Variants in STXBP5L observed in about 807,000 individuals in gnomAD.
The protein encoded by STXBP5L is syntaxin binding protein 5L.
In STXBP5L, 65 loss-of-function variants were observed where a neutral mutation model predicts 144.5. That is an observed-to-expected ratio of 0.45 (90% CI 0.37 to 0.55). The LOEUF (loss-of-function observed/expected upper bound fraction) is 0.55. Among genes scored for constraint, STXBP5L ranks in the 20% least tolerant of loss-of-function variants. The pLI, the probability that STXBP5L is intolerant of heterozygous loss-of-function variation, is 0.00. For synonymous variants in STXBP5L, 505 were observed against 469.6 expected, an observed-to-expected ratio of 1.08 and a Z score of -0.97; for missense variants, 1,298 against 1,405.5, an observed-to-expected ratio of 0.92 and a Z score of 1.22.
At chr3:121,310,634 C>A (rs2043494539) in intron 19 of STXBP5L, among the ~76,000 whole-genome samples, 1 of 151,746 alleles carries the variant, frequency 6.6e-6, no homozygotes, top group Non-Finnish European at 1.5e-5. Context: ...AGAGGCCAGG[C>A]ATGGTGGCTT....
At chr3:121,312,446 C>CTTTTTTTTTTTTTTTTTTTTT (rs58989280) in intron 19 of STXBP5L, among the ~76,000 whole-genome samples, 4 of 12,752 alleles carry the variant, frequency 3.1e-4, no homozygotes, top group Admixed American at 4.0e-3. Context: ...GTATGTCAAT[C>CTTTTTTTTTTTTTTTTTTTTT]TTTTTTTTTT....
At chr3:121,367,547 C>T (rs2045895674) in intron 20 of STXBP5L, among the ~76,000 whole-genome samples, 1 of 146,320 alleles carries the variant, frequency 6.8e-6, no homozygotes, top group African/African-American at 2.5e-5. Context: ...TATGATGAGT[C>T]ACTTCTCTAT....
chr3:120,949,388 T>G (rs1196656270), intron 2 of STXBP5L, among the ~76,000 whole-genome samples: 1 of 152,158 alleles, frequency 6.6e-6, no homozygotes, highest in Non-Finnish European at 1.5e-5. Flanking sequence ...TGCTGATTAT[T>G]TCTTTTGCTG....
At chr3:121,292,833 T>C (rs2051494476) in intron 19 of STXBP5L, among the ~76,000 whole-genome samples, 1 of 152,138 alleles carries the variant, frequency 6.6e-6, no homozygotes, top group South Asian at 2.1e-4. Flanking sequence ...AGCTAAGTTA[T>C]GAGGCTGCAA....
At chr3:121,016,447 A>G (rs1476718536) in intron 3 of STXBP5L, among the ~76,000 whole-genome samples, 1 of 152,210 alleles carries the variant, frequency 6.6e-6, no homozygotes, top group Admixed American at 6.5e-5. Flanking sequence ...GAAATCAAAA[A>G]CACTGTACAG....
At chr3:121,338,437 A>T (rs1165714948) in intron 20 of STXBP5L, among the ~76,000 whole-genome samples, 2 of 151,938 alleles carry the variant, frequency 1.3e-5, no homozygotes, top group African/African-American at 2.4e-5. Context: ...TGAGGTCAAG[A>T]GTTTGAGACC....
intron 3 of STXBP5L, among the ~76,000 whole-genome samples, chr3:121,013,745 G>T (rs1217367745): frequency 1.3e-5 from 2 of 151,914 alleles, no homozygotes; most frequent in Non-Finnish European, 2.9e-5. Context: ...GTATTTCCTA[G>T]ATTTTCTTCT....
At chr3:120,962,215 A>G (rs1053167982) in intron 3 of STXBP5L, among the ~76,000 whole-genome samples, 1 of 152,114 alleles carries the variant, frequency 6.6e-6, no homozygotes, top group Non-Finnish European at 1.5e-5. Context: ...TTTTTCTTCC[A>G]TTCTATAGGT....
intron 5 of STXBP5L, among the ~76,000 whole-genome samples, chr3:121,058,733 T>A (rs529640439): frequency 2.0e-5 from 3 of 152,378 alleles, no homozygotes; most frequent in Admixed American, 6.5e-5. Flanking sequence ...CCAGTGATGA[T>A]GAGCTGTTTT....
At chr3:121,128,648 G>T (rs1179895590) in intron 7 of STXBP5L, among the ~76,000 whole-genome samples, 1 of 152,002 alleles carries the variant, frequency 6.6e-6, no homozygotes, top group Non-Finnish European at 1.5e-5. Context: ...ACCATAATAA[G>T]CAGCAAGGCT....
At chr3:120,962,009 T>C (rs1475177602) in intron 3 of STXBP5L, among the ~76,000 whole-genome samples, 1 of 152,258 alleles carries the variant, frequency 6.6e-6, no homozygotes, top group Non-Finnish European at 1.5e-5. Context: ...TTGAATTTCA[T>C]TTCTCTGATG....
At chr3:121,300,545 G>A (rs187350904) in intron 19 of STXBP5L, among the ~76,000 whole-genome samples, 2 of 151,980 alleles carry the variant, frequency 1.3e-5, no homozygotes, top group Non-Finnish European at 2.9e-5. Flanking sequence ...TAGGAGAAGT[G>A]ATGTAAGAAT....
intron 3 of STXBP5L, among the ~76,000 whole-genome samples, chr3:121,009,781 C>T (rs913825246): frequency 6.6e-6 from 1 of 151,682 alleles, no homozygotes; most frequent in Non-Finnish European, 1.5e-5. Context: ...TTTGGTGGAT[C>T]GTAATGTTTT....
intron 9 of STXBP5L, among the ~76,000 whole-genome samples, chr3:121,173,903 T>A (rs1423069951): frequency 6.6e-6 from 1 of 152,006 alleles, no homozygotes; most frequent in Non-Finnish European, 1.5e-5. Context: ...GCACTTTGTA[T>A]GGGTTCCATG....
intron 3 of STXBP5L, among the ~76,000 whole-genome samples, chr3:121,030,531 G>T (rs1946291113): frequency 6.6e-6 from 1 of 152,048 alleles, no homozygotes; most frequent in African/African-American, 2.4e-5. Context: ...GCATGTTGCG[G>T]GGTGTGGGAC....
chr3:121,127,671 G>A (rs73855332), intron 7 of STXBP5L, among the ~76,000 whole-genome samples: 2,215 of 151,866 alleles, frequency 0.015, 58 homozygotes, highest in African/African-American at 0.051. Flanking sequence ...CATCTGCAAA[G>A]ATTCTATTTC....
chr3:121,007,945 G>C (rs533375264), intron 3 of STXBP5L, among the ~76,000 whole-genome samples: 21 of 151,694 alleles, frequency 1.4e-4, no homozygotes, highest in African/African-American at 4.3e-4. Context: ...ATTTATAATG[G>C]GAGAGTTAGT....
At chr3:121,342,267 G>A (rs979092787) in intron 20 of STXBP5L, among the ~76,000 whole-genome samples, 3 of 152,136 alleles carry the variant, frequency 2.0e-5, no homozygotes, top group East Asian at 1.9e-4. Flanking sequence ...AAACCTAAAA[G>A]TAAATTAATA....
chr3:121,346,513 T>C (rs530908119), intron 20 of STXBP5L, among the ~76,000 whole-genome samples: 4 of 152,282 alleles, frequency 2.6e-5, no homozygotes, highest in South Asian at 4.1e-4. Flanking sequence ...ACTAGATCCC[T>C]GAGGAATCGC....
Sources: gnomAD v4.1 joint callset for allele counts (sites outside exome capture counted in the v4.1 genomes callset) on GRCh38, gnomAD v4.1.1 for gene constraint, MANE v1.5 for transcripts, NCBI Gene and HGNC (gene_info 2026-07-23, HGNC 2026-07-21) for gene names.